Variants in FBXO25 observed in about 807,000 individuals in gnomAD.
FBXO25 encodes F-box protein 25.
FBXO25 carries 45 observed loss-of-function variants against 51.9 expected under a neutral mutation model. The ratio of observed to expected loss-of-function variants is 0.87; its 90% confidence interval spans 0.68 to 1.11. The LOEUF is 1.11. Ranked by LOEUF, FBXO25 falls within the 50% of genes most tolerant of loss-of-function variation. FBXO25 has a pLI of 0.00. For missense variants in FBXO25, 507 were observed against 428.5 expected, an observed-to-expected ratio of 1.18 and a Z score of -1.62; for synonymous variants, 199 against 151.0, an observed-to-expected ratio of 1.32 and a Z score of -2.33.
chr8:408,700 C>G, intron 1 of FBXO25, among the ~76,000 whole-genome samples: 1 of 152,094 alleles, frequency 6.6e-6, no homozygotes, highest in East Asian at 1.9e-4. Context: ...TCTCTCATGC[C>G]AAGAGTTTCC....
Position 457,727 on chromosome 8 carries a change from T to G in FBXO25, c.661-642T>G, listed in dbSNP as rs570819042. Among the ~76,000 whole-genome samples, 231 of 152,360 alleles carry G rather than the reference T, an allele frequency of 1.5e-3. 1 individual carries two copies. The Middle Eastern group carries it at 0.017, about 11-fold the overall frequency. On this transcript the variant is annotated intron_variant, in intron 7 of 9. Transcript: ENST00000350302. ...GATTATGACTTGAGGTGATGGACAGTGAGCTGGGCTGTGGCCATCGGTTCA... is the reference window on the plus strand; with the variant it reads ...GATTATGACTTGAGGTGATGGACAGGGAGCTGGGCTGTGGCCATCGGTTCA...
intron 2 of FBXO25, among the ~76,000 whole-genome samples, chr8:416,802 T>G (rs533465345): frequency 4.1e-4 from 62 of 152,340 alleles, no homozygotes; most frequent in African/African-American, 1.3e-3. Flanking sequence ...CAGCAATAAA[T>G]GAAACATGAA....
intron 8 of FBXO25, among the ~76,000 whole-genome samples, chr8:459,577 G>A (rs560278443): frequency 1.3e-5 from 2 of 152,302 alleles, no homozygotes; most frequent in South Asian, 4.1e-4. Context: ...TCCTGCCTCA[G>A]GAAAATAAGA....
chr8:412,704 A>G (rs1422200566), intron 1 of FBXO25, among the ~76,000 whole-genome samples: 1 of 152,208 alleles, frequency 6.6e-6, no homozygotes, highest in Non-Finnish European at 1.5e-5. Flanking sequence ...CTGAACATGA[A>G]TACATTTCAT....
At chr8:415,760 T>C (rs760553959) in intron 2 of FBXO25, among the ~76,000 whole-genome samples, 1 of 152,198 alleles carries the variant, frequency 6.6e-6, no homozygotes, top group South Asian at 2.1e-4. Flanking sequence ...CAGCGTAGTG[T>C]TTCTGCCACT....
chr8:455,903 C>G (rs1050031900), intron 7 of FBXO25, among the ~76,000 whole-genome samples: 3 of 152,238 alleles, frequency 2.0e-5, no homozygotes, highest in Non-Finnish European at 4.4e-5. Context: ...CTGCGACACC[C>G]TCTTGTTATA....
Position 476,418 on chromosome 8 carries a change from T to C in FBXO25, c.*7614T>C, listed in dbSNP as rs1238514813. The C allele has an allele frequency of 6.6e-6, 1 of 152,184 alleles. No individual in the cohort carries two copies. The highest frequency in any genetic ancestry group is 1.5e-5 in the Non-Finnish European group (1 of 68,016). 9.4% of individuals were successfully genotyped at this position (152,184 alleles called of 1,614,324 possible). On this transcript the variant is annotated 3_prime_UTR_variant, in exon 10 of 10. Coordinates refer to ENST00000350302, the MANE Select transcript of FBXO25 (RefSeq NM_183420.2). The stretch of plus-strand genomic sequence containing the variant: ...GGAAGTGTCCTTTCCTCTTCAGTTT[T>C]TTGGAAGAGTTTGAGGAGAATTGAT...
In FBXO25 at chr8:424,904, T is replaced by A. The variant is rs191147509; in HGVS notation, c.135-6437T>A. On this transcript the variant is annotated intron_variant, in intron 2 of 9. Transcript: ENST00000350302. ...TTTCTTGTTGTTCTTAAATGCATTT[T>A]ATAATTAACTTGTTTAGCTCTAAGA... Among the ~76,000 whole-genome samples, 527 of 152,334 alleles carry A rather than the reference T, an allele frequency of 3.5e-3. 6 individuals are homozygous for A. Among genetic ancestry groups the A allele is most frequent in the African/African-American group, 0.012 (504 of 41,578 alleles).
chr8:437,063 A>AT (rs550594667), intron 5 of FBXO25, among the ~76,000 whole-genome samples: 53 of 149,682 alleles, frequency 3.5e-4, no homozygotes, highest in East Asian at 1.8e-3. Flanking sequence ...CGACTGCATA[A>AT]TTTTTTTTTT....
At position 458,521 on chromosome 8, in the gene FBXO25, G is replaced by C; in HGVS notation, c.813G>C (p.Lys271Asn). ...GTGAAGACAGACAGCTGTGGAAGAAGCTTTGTCAGTACCATTTTGCTGAAA... is the reference window on the plus strand; with the variant it reads ...GTGAAGACAGACAGCTGTGGAAGAACCTTTGTCAGTACCATTTTGCTGAAA... ...MLSEDRQLWKKLCQYHFAEKQ... is the reference protein window; with the variant it reads ...MLSEDRQLWKNLCQYHFAEKQ... Residue 271 changes from lysine to asparagine, a missense_variant, in exon 8 of 10, where the codon AAG becomes AAC. Transcript: ENST00000350302. 1 of 1,614,156 alleles carries C rather than the reference G, an allele frequency of 6.2e-7. No homozygotes were observed. Among genetic ancestry groups the C allele is most frequent in the Non-Finnish European group, 8.5e-7 (1 of 1,180,006 alleles).
intron 4 of FBXO25, chr8:435,391 T>C (rs1798043952): frequency 4.0e-5 from 22 of 545,270 alleles, no homozygotes; most frequent in Non-Finnish European, 6.8e-5. Context: ...CTTCAGCAGG[T>C]TGTAAAAAAT....
intron 5 of FBXO25, 77 bp from the exon 6 acceptor site, chr8:449,913 G>A: frequency 2.1e-6 from 2 of 946,270 alleles, no homozygotes; most frequent in Non-Finnish European, 3.3e-6. Context: ...CTTCATGCAT[G>A]TGTGTTATAT....
chr8:477,500 G>C lies in FBXO25; in HGVS notation c.*8696G>C, dbSNP rs1800679225. Reference sequence around the variant, plus strand: ...CAAACTTTTTAAATTTCAACATGAAGATGAAATTATAGGATGTCTGGGATT... The same window carrying C: ...CAAACTTTTTAAATTTCAACATGAACATGAAATTATAGGATGTCTGGGATT... On this transcript the variant is annotated 3_prime_UTR_variant, in exon 10 of 10. Transcript: ENST00000350302. 1 of 152,346 alleles carries C rather than the reference G, an allele frequency of 6.6e-6. No homozygotes were observed. Among genetic ancestry groups the C allele is most frequent in the South Asian group, 2.1e-4 (1 of 4,828 alleles). 9.4% of individuals were successfully genotyped at this position (152,346 alleles called of 1,614,324 possible).
rs778648095 is a variant in FBXO25, at chr8:462,996, T to C, written c.844-11T>C. Reference sequence around the variant, plus strand: ...CTTATGCGGATTCTGAATGGAGTTTTGTTTGTTTAGTTTTGTAGACATTTG... The same window carrying C: ...CTTATGCGGATTCTGAATGGAGTTTCGTTTGTTTAGTTTTGTAGACATTTG... On this transcript the variant is annotated splice_polypyrimidine_tract_variant and intron_variant, in intron 8 of 9. Coordinates refer to ENST00000350302, the MANE Select transcript of FBXO25 (RefSeq NM_183420.2). 1.3e-6 allele frequency: 2 copies of C among 1,598,378 alleles called. No homozygotes were observed. Among genetic ancestry groups the C allele is most frequent in the Non-Finnish European group, 1.7e-6 (2 of 1,174,550 alleles).
rs113136798 is a variant in FBXO25, at chr8:407,259, G to A, written c.-8+193G>A. 0.013 allele frequency: 8,841 copies of A among 693,374 alleles called. 118 individuals carry two copies. Among genetic ancestry groups the A allele is most frequent in the East Asian group, 0.1 (736 of 7,278 alleles). 43.0% of individuals were successfully genotyped at this position (693,374 alleles called of 1,614,324 possible). A position where few individuals can be genotyped will look rare whatever the true frequency, so the allele number is the denominator to read the frequency against. ...GCGTCAGGTGGGGACGGGGCCTGTG[G>A]GAGGGTCAGGTGGGGACCGGGGGCC... On this transcript the variant is annotated intron_variant, in intron 1 of 9. Transcript: ENST00000350302.
rs566002430 is a variant in FBXO25, at chr8:433,093, C to A, written c.288+158C>A. On this transcript the variant is annotated intron_variant, in intron 4 of 9. Transcript: ENST00000350302. Reference sequence around the variant, plus strand: ...CTGACAGATAATAGCATATGAGGAGCTTTTGAGGCAGTGATTTTCCATTGT... The same window carrying A: ...CTGACAGATAATAGCATATGAGGAGATTTTGAGGCAGTGATTTTCCATTGT... Among the ~76,000 whole-genome samples the A allele has an allele frequency of 7.2e-5, 11 of 152,028 alleles. 1 individual carries two copies. The highest frequency in any genetic ancestry group is 7.2e-4 in the Admixed American group (11 of 15,258).
chr8:465,028 A>G (rs893738250), intron 9 of FBXO25, among the ~76,000 whole-genome samples: 1 of 152,182 alleles, frequency 6.6e-6, no homozygotes, highest in Non-Finnish European at 1.5e-5. Context: ...GAGAACCCTC[A>G]TTCTATTCTT....
At chr8:467,711 A>G in intron 9 of FBXO25, 1 of 1,613,554 alleles carries the variant, frequency 6.2e-7, no homozygotes, top group African/African-American at 1.3e-5. Flanking sequence ...TTTCTTCATG[A>G]TCTCGAAGGA....
chr8:462,128 T>C (rs1799856114), intron 8 of FBXO25, among the ~76,000 whole-genome samples: 1 of 152,208 alleles, frequency 6.6e-6, no homozygotes, highest in Middle Eastern at 3.2e-3. Flanking sequence ...GTGTGAGGTC[T>C]CTTGATTCTC....
Sources: gnomAD v4.1 joint callset for allele counts (sites outside exome capture counted in the v4.1 genomes callset) on GRCh38, gnomAD v4.1.1 for gene constraint, MANE v1.5 for transcripts, NCBI Gene and HGNC (gene_info 2026-07-23, HGNC 2026-07-21) for gene names.